RFX4: variants seen among roughly 807,000 people sequenced by gnomAD.
The protein encoded by RFX4 is regulatory factor X4, also known as transcription factor RFX4.
In RFX4, 10 loss-of-function variants were observed where a neutral mutation model predicts 95.0. The observed-to-expected ratio is 0.11, with a 90% confidence interval of 0.06 to 0.18. The LOEUF is 0.18. Among genes scored for constraint, RFX4 ranks in the 10% least tolerant of loss-of-function variants. The pLI, the probability that RFX4 is intolerant of heterozygous loss-of-function variation, is 1.00. For synonymous variants in RFX4, 321 were observed against 340.7 expected, an observed-to-expected ratio of 0.94 and a Z score of 0.64; for missense variants, 640 against 922.0, an observed-to-expected ratio of 0.69 and a Z score of 3.96.
intron 1 of RFX4, among the ~76,000 whole-genome samples, chr12:106,585,412 G>C (rs1256229064): frequency 1.3e-5 from 2 of 152,132 alleles, no homozygotes; most frequent in African/African-American, 4.8e-5. Context: ...GACATCCCTA[G>C]GTCACCACCC....
At chr12:106,755,025 T>A (rs557215758) in intron 17 of RFX4, among the ~76,000 whole-genome samples, 3 of 152,376 alleles carry the variant, frequency 2.0e-5, no homozygotes, top group South Asian at 4.1e-4. Context: ...TTGTTTTTCA[T>A]TAACATTTAT....
intron 1 of RFX4, among the ~76,000 whole-genome samples, chr12:106,604,812 G>A (rs1449120921): frequency 6.6e-6 from 1 of 152,238 alleles, no homozygotes; most frequent in Non-Finnish European, 1.5e-5. Context: ...GCAAAATTAT[G>A]TAAGTAGAGT....
chr12:106,624,743 C>A (rs1375789605), intron 2 of RFX4, among the ~76,000 whole-genome samples: 1 of 152,106 alleles, frequency 6.6e-6, no homozygotes, highest in Admixed American at 6.6e-5. Context: ...TGGCTCTATG[C>A]AGAAAAAGCT....
intron 8 of RFX4, among the ~76,000 whole-genome samples, chr12:106,697,212 C>T (rs1291168380): frequency 1.3e-5 from 2 of 152,130 alleles, no homozygotes; most frequent in African/African-American, 2.4e-5. Context: ...TCCTCTACTC[C>T]GTCCACACCT....
chr12:106,639,481 A>T (rs140859980), intron 3 of RFX4, 89 bp downstream of exon 3: 182 of 1,208,018 alleles, frequency 1.5e-4, no homozygotes, highest in South Asian at 4.8e-4. Context: ...ATATTTTAAC[A>T]TTGTCCTGAT....
chr12:106,713,728 G>A (rs1410517466), intron 10 of RFX4, among the ~76,000 whole-genome samples: 1 of 152,078 alleles, frequency 6.6e-6, no homozygotes, highest in African/African-American at 2.4e-5. Flanking sequence ...TTCTTTAAGA[G>A]GTAAGCACTA....
At chr12:106,675,823 T>G (rs1047184965) in intron 4 of RFX4, among the ~76,000 whole-genome samples, 1 of 152,102 alleles carries the variant, frequency 6.6e-6, no homozygotes, top group Non-Finnish European at 1.5e-5. Flanking sequence ...CAGAACACAG[T>G]GTGTTCATGA....
At chr12:106,691,570 C>T (rs1346134653) in intron 7 of RFX4, among the ~76,000 whole-genome samples, 1 of 152,204 alleles carries the variant, frequency 6.6e-6, no homozygotes, top group Non-Finnish European at 1.5e-5. Flanking sequence ...ATCTGGTACA[C>T]CTTGACTTTA....
At chr12:106,662,074 A>C (rs1035543452) in intron 4 of RFX4, 5 of 229,712 alleles carry the variant, frequency 2.2e-5, no homozygotes, top group Non-Finnish European at 3.7e-5. Context: ...CTTTGGGTAA[A>C]TACCAAGAAG....
At chr12:106,640,089 C>T (rs1487186153) in intron 3 of RFX4, among the ~76,000 whole-genome samples, 1 of 152,160 alleles carries the variant, frequency 6.6e-6, no homozygotes, top group Non-Finnish European at 1.5e-5. Flanking sequence ...AAGAAAGGAA[C>T]TAAAATCCAT....
At chr12:106,746,519 G>A (rs2042898285) in intron 15 of RFX4, among the ~76,000 whole-genome samples, 2 of 151,824 alleles carry the variant, frequency 1.3e-5, no homozygotes, top group African/African-American at 4.8e-5. Context: ...GGGTGACAGA[G>A]TGAGAGCTTG....
At chr12:106,652,565 C>T (rs866599402) in intron 3 of RFX4, among the ~76,000 whole-genome samples, 24 of 152,290 alleles carry the variant, frequency 1.6e-4, no homozygotes, top group African/African-American at 5.3e-4. Context: ...TTTCTGGGAA[C>T]ATTTCTAAAA....
chr12:106,741,307 C>T (rs2042800763), intron 15 of RFX4, among the ~76,000 whole-genome samples: 1 of 152,086 alleles, frequency 6.6e-6, no homozygotes. Context: ...AGATGATAGC[C>T]AATGACATAC....
chr12:106,716,152 T>A (rs1271778661), intron 11 of RFX4, among the ~76,000 whole-genome samples: 1 of 152,056 alleles, frequency 6.6e-6, no homozygotes, highest in Non-Finnish European at 1.5e-5. Context: ...GAGAACAACA[T>A]CATTGTTAGC....
intron 5 of RFX4, among the ~76,000 whole-genome samples, chr12:106,686,412 A>AG (rs1441632646): frequency 1.5e-5 from 2 of 135,356 alleles, no homozygotes; most frequent in South Asian, 2.3e-4. Flanking sequence ...ACTCTGTCTC[A>AG]AAAAAAAAAA....
At chr12:106,698,936 C>A (rs892760922) in intron 8 of RFX4, among the ~76,000 whole-genome samples, 3 of 151,830 alleles carry the variant, frequency 2.0e-5, no homozygotes, top group African/African-American at 7.3e-5. Context: ...TTATTCCTCC[C>A]TTTTTGTGCT....
chr12:106,603,984 G>A (rs1758127447), intron 1 of RFX4, among the ~76,000 whole-genome samples: 1 of 152,126 alleles, frequency 6.6e-6, no homozygotes, highest in South Asian at 2.1e-4. Context: ...CACTGGGTGT[G>A]AGATGATGGA....
chr12:106,722,064 G>T (rs1454052220), intron 13 of RFX4, among the ~76,000 whole-genome samples: 1 of 152,220 alleles, frequency 6.6e-6, no homozygotes, highest in Non-Finnish European at 1.5e-5. Flanking sequence ...TCTTTGAGCT[G>T]TATATGGAAA....
chr12:106,656,458 A>G (rs1188717329), intron 4 of RFX4, among the ~76,000 whole-genome samples: 3 of 152,210 alleles, frequency 2.0e-5, no homozygotes, highest in Non-Finnish European at 4.4e-5. Flanking sequence ...GACAGCCCAC[A>G]GGAAGCCTCT....
Sources: allele counts gnomAD v4.1 joint callset (sites outside exome capture counted in the v4.1 genomes callset), GRCh38; gene constraint gnomAD v4.1.1; transcripts MANE v1.5; gene names NCBI Gene and HGNC (gene_info 2026-07-23, HGNC 2026-07-21).